The following PATJ variants were observed in gnomAD, a reference collection of about 807,000 sequenced individuals.
PATJ encodes the protein PATJ crumbs cell polarity complex component.
Under a neutral mutation model 224.9 loss-of-function variants are expected in PATJ, and 190 were observed. The observed-to-expected ratio is 0.84, with a 90% CI of 0.75 to 0.95. PATJ has a LOEUF of 0.95. Among genes scored for constraint, PATJ ranks in the 40% least tolerant of loss-of-function variants. PATJ has a pLI of 0.00. For synonymous variants in PATJ, 769 were observed against 820.3 expected (o/e 0.94, Z 1.07); for missense variants, 2,121 against 2,270.3 (o/e 0.93, Z 1.34).
At chr1:61,823,403 T>C (rs1657647957) in intron 15 of PATJ, among the ~76,000 whole-genome samples, 1 of 152,194 alleles carries the variant, frequency 6.6e-6, no homozygotes, top group Admixed American at 6.5e-5. Context: ...TATTTGCAGG[T>C]TTTATTGATT....
intron 15 of PATJ, 127 bp from the exon 16 acceptor site, chr1:61,827,295 G>T (rs1658444611): frequency 1.4e-6 from 1 of 695,926 alleles, no homozygotes; most frequent in Non-Finnish European, 2.3e-6. Context: ...ATGAAAGCGA[G>T]GCCCCTTGTT....
chr1:61,872,916 C>A (rs1210099290), intron 20 of PATJ, among the ~76,000 whole-genome samples: 1 of 152,160 alleles, frequency 6.6e-6, no homozygotes, highest in Non-Finnish European at 1.5e-5. Context: ...CCAGCATTAC[C>A]AAATTCATAA....
intron 24 of PATJ, among the ~76,000 whole-genome samples, chr1:61,901,744 G>A (rs1671183403): frequency 6.6e-6 from 1 of 152,154 alleles, no homozygotes; most frequent in Non-Finnish European, 1.5e-5. Context: ...TAGGCATTAT[G>A]CTTCTCCCAC....
chr1:62,130,718 G>A (rs534159700), intron 41 of PATJ, among the ~76,000 whole-genome samples: 1 of 152,136 alleles, frequency 6.6e-6, no homozygotes, highest in Non-Finnish European at 1.5e-5. Context: ...GGGCATGGTG[G>A]CGGGCGCCTA....
intron 26 of PATJ, among the ~76,000 whole-genome samples, chr1:61,923,416 G>T (rs555830254): frequency 1.3e-5 from 2 of 152,276 alleles, no homozygotes; most frequent in Non-Finnish European, 2.9e-5. Context: ...CATGCTTTGG[G>T]AGCGTACTCT....
intron 28 of PATJ, among the ~76,000 whole-genome samples, chr1:61,990,660 A>G (rs1479622315): frequency 6.6e-6 from 1 of 152,198 alleles, no homozygotes; most frequent in Non-Finnish European, 1.5e-5. Context: ...ATTAATTTGT[A>G]TATTAACCTA....
chr1:62,107,291 G>A (rs1464252339), intron 33 of PATJ, among the ~76,000 whole-genome samples: 1 of 149,680 alleles, frequency 6.7e-6, no homozygotes, highest in South Asian at 2.1e-4. Context: ...GGGCGACAGA[G>A]TGAGAGTCCA....
At chr1:61,936,188 C>T (rs1366889708) in intron 27 of PATJ, among the ~76,000 whole-genome samples, 1 of 151,562 alleles carries the variant, frequency 6.6e-6, no homozygotes, top group Non-Finnish European at 1.5e-5. Context: ...AGCAGTCACT[C>T]CACTTCATAT....
intron 41 of PATJ, among the ~76,000 whole-genome samples, chr1:62,140,731 TGAAAG>T (rs1192444104): frequency 1.3e-5 from 2 of 151,830 alleles, no homozygotes; most frequent in Non-Finnish European, 2.9e-5. Flanking sequence ...CATGGACTCT[TGAAAG>T]GATAATCTCT....
At chr1:61,907,430 A>C (rs546964772) in intron 24 of PATJ, among the ~76,000 whole-genome samples, 14 of 152,288 alleles carry the variant, frequency 9.2e-5, no homozygotes, top group East Asian at 7.7e-4. Flanking sequence ...TTGTGCTTCT[A>C]TCCAAAGCCA....
chr1:62,072,350 T>G (rs1480850804), intron 31 of PATJ: 1 of 152,162 alleles, frequency 6.6e-6, no homozygotes, highest in Non-Finnish European at 1.5e-5. Context: ...GAAAAAACTC[T>G]AGTTCAGGAT....
At chr1:61,796,850 G>GTCTTTCCTTCCC (rs1285383329) in intron 10 of PATJ, among the ~76,000 whole-genome samples, 10 of 116,774 alleles carry the variant, frequency 8.6e-5, no homozygotes, top group Non-Finnish European at 1.3e-4. Flanking sequence ...CCTTCCTTCC[G>GTCTTTCCTTCCC]TCTTTCCTTC....
chr1:61,910,471 A>G (rs1672455918), intron 25 of PATJ, among the ~76,000 whole-genome samples: 1 of 141,864 alleles, frequency 7.0e-6, no homozygotes, highest in African/African-American at 2.5e-5. Context: ...TATCCCATTG[A>G]TGATGTTAAT....
At chr1:61,771,761 C>T (rs1646626075) in intron 6 of PATJ, 135 bp downstream of exon 6, 4 of 660,290 alleles carry the variant, frequency 6.1e-6, no homozygotes, top group Non-Finnish European at 9.6e-6. Context: ...CTCTTGTTGC[C>T]CAGGCTGGAG....
intron 14 of PATJ, among the ~76,000 whole-genome samples, chr1:61,820,639 G>A (rs1657074504): frequency 1.3e-5 from 2 of 152,152 alleles, no homozygotes; most frequent in African/African-American, 2.4e-5. Context: ...ACCACACCCG[G>A]CCTACATTTA....
At chr1:61,912,359 T>G (rs79415586) in intron 25 of PATJ, among the ~76,000 whole-genome samples, 134 of 152,110 alleles carry the variant, frequency 8.8e-4, no homozygotes, top group Non-Finnish European at 1.4e-3. Flanking sequence ...TTTCGGAGGC[T>G]GAGGTGAGAG....
intron 27 of PATJ, among the ~76,000 whole-genome samples, chr1:61,930,077 A>G (rs772554683): frequency 2.0e-5 from 3 of 152,190 alleles, no homozygotes; most frequent in Non-Finnish European, 4.4e-5. Context: ...ATAATATTAT[A>G]CATTTCACAG....
chr1:62,100,253 T>A, intron 33 of PATJ: 1 of 620,816 alleles, frequency 1.6e-6, no homozygotes, highest in Non-Finnish European at 3.0e-6. Flanking sequence ...CTCCATTTTC[T>A]GCTGCTATAA....
At chr1:62,066,400 T>C (rs887060029) in intron 31 of PATJ, among the ~76,000 whole-genome samples, 2 of 151,970 alleles carry the variant, frequency 1.3e-5, no homozygotes, top group African/African-American at 2.4e-5. Context: ...TTTTTTTTTT[T>C]TGAGACAGGG....
Sources: allele counts gnomAD v4.1 joint callset (sites outside exome capture counted in the v4.1 genomes callset), GRCh38; gene constraint gnomAD v4.1.1; transcripts MANE v1.5; gene names NCBI Gene and HGNC (gene_info 2026-07-23, HGNC 2026-07-21).